The following PER1 variants were observed in gnomAD, a reference collection of about 807,000 sequenced individuals.
The protein encoded by PER1 is period circadian regulator 1, also known as period circadian protein homolog 1.
In PER1, 87 loss-of-function variants were observed where a neutral mutation model predicts 125.9. That is an observed-to-expected ratio of 0.69 (90% confidence interval 0.58 to 0.83). The LOEUF is 0.83. Ranked by LOEUF, PER1 falls within the 40% of genes least tolerant of loss-of-function variation. PER1 has a pLI of 0.00. For synonymous variants in PER1, 801 were observed against 714.7 expected (o/e 1.12, Z -1.93); for missense variants, 1,775 against 1,722.8 (o/e 1.03, Z -0.54).
intron 21 of PER1, 144 bp downstream of exon 21, chr17:8,142,125 G>A: frequency 1.8e-6 from 2 of 1,116,646 alleles, no homozygotes; most frequent in Non-Finnish European, 2.6e-6. Context: ...CTCCTCCTGG[G>A]AGGAACTAGT....
At chr17:8,141,362 G>A (rs764998457) in intron 22 of PER1, 22 bp from the exon 23 acceptor site, 1 of 1,579,284 alleles carries the variant, frequency 6.3e-7, no homozygotes, top group Non-Finnish European at 8.6e-7. Flanking sequence ...AAATGGACAT[G>A]AGAGAGTCAG....
At position 8,143,435 on chromosome 17, in the gene PER1, C is replaced by T. The variant is rs3027193; in HGVS notation, c.2903G>A (p.Arg968His). 34 of 1,610,006 alleles carry T rather than the reference C, an allele frequency of 2.1e-5. No homozygotes were observed. The African/African-American group carries it at 2.7e-4, about 13-fold the overall frequency. ...LPALAPSPPH[R>H]PDSPLFNSRC... Reference sequence around the variant, plus strand: ...CGAGTTGAACAGTGGAGAGTCCGGGCGGTGAGGAGGACTCGGGGCGAGGGC... The same window carrying T: ...CGAGTTGAACAGTGGAGAGTCCGGGTGGTGAGGAGGACTCGGGGCGAGGGC... The change falls in exon 19 of 23, where the codon CGC (arginine) becomes CAC (histidine). Residue 968 changes from arginine (R) to histidine (H), a missense_variant. Coordinates refer to ENST00000317276, the MANE Select transcript of PER1 (RefSeq NM_002616.3).
chr17:8,146,131 G>A lies in PER1; in HGVS notation c.2045C>T (p.Pro682Leu), dbSNP rs1982419714. Residue 682 changes from proline (P) to leucine (L), a missense_variant, in exon 17 of 23, where the codon CCG becomes CTG. Transcript: ENST00000317276. ...CCCCTCCCCAGACAGCGCTGCTGAC[G>A]GCGGATCTGTGCAGAGAGATGGTGC... The part of the protein sequence containing the change: ...PVSVGTKKDP[P>L]SAALSGEGAT... 3 of 1,601,406 alleles carry A rather than the reference G, an allele frequency of 1.9e-6. No individual in the cohort carries two copies. The highest frequency in any genetic ancestry group is 1.1e-5 in the South Asian group (1 of 88,768).
intron 19 of PER1, 48 bp from the exon 20 acceptor site, chr17:8,142,883 G>A (rs764547155): frequency 3.0e-5 from 43 of 1,418,300 alleles, no homozygotes; most frequent in Non-Finnish European, 4.1e-5. Context: ...TCAGCACCTA[G>A]GCCTCCCTTC....
intron 7 of PER1, 75 bp from the exon 8 acceptor site, chr17:8,148,861 G>C (rs1253571794): frequency 6.4e-7 from 1 of 1,557,464 alleles, no homozygotes; most frequent in African/African-American, 1.4e-5. Flanking sequence ...GGTCACAGCA[G>C]ACAACAGCAA....
At position 8,140,931 on chromosome 17, in the gene PER1, G is replaced by A; in HGVS notation, c.*137C>T. On this transcript the variant is annotated 3_prime_UTR_variant, in exon 23 of 23. Transcript: ENST00000317276. ...AGCCCCTGGATCCTAGGCTGGTGATGGGGGTCCGGCCCCCTATGGTGGGAG... is the reference window on the plus strand; with the variant it reads ...AGCCCCTGGATCCTAGGCTGGTGATAGGGGTCCGGCCCCCTATGGTGGGAG... 1 of 994,948 alleles carries A rather than the reference G, an allele frequency of 1.0e-6. No homozygotes were observed. The highest frequency in any genetic ancestry group is 1.5e-6 in the Non-Finnish European group (1 of 668,576). The allele number at this position is 994,948 out of a possible 1,614,324, so 61.6% of individuals were successfully genotyped here. A position where few individuals can be genotyped will look rare whatever the true frequency, so the allele number is the denominator to read the frequency against.
Position 8,149,648 on chromosome 17 carries a change from C to T in PER1, c.667G>A (p.Ala223Thr). The T allele has an allele frequency of 6.2e-7, 1 of 1,610,150 alleles. No homozygotes were observed. The highest frequency in any genetic ancestry group is 8.5e-7 in the Non-Finnish European group (1 of 1,176,612). Residue 223 changes from alanine to threonine, a missense_variant, in exon 6 of 23, where the codon GCT (alanine) becomes ACT (threonine). Coordinates refer to ENST00000317276, the MANE Select transcript of PER1 (RefSeq NM_002616.3). ...ATTCGGCCCGTCAGGAAGGAGACAGCCACTGAGAAGGTATCCTGGCAGGAG... is the reference window on the plus strand; with the variant it reads ...ATTCGGCCCGTCAGGAAGGAGACAGTCACTGAGAAGGTATCCTGGCAGGAG... Reference protein sequence around the residue: ...TLQNQDTFSVAVSFLTGRIVY... With the variant: ...TLQNQDTFSVTVSFLTGRIVY...
chr17:8,150,659 A>G lies in PER1; in HGVS notation c.48T>C (p.Pro16=). The G allele has an allele frequency of 1.3e-6, 2 of 1,599,708 alleles. No homozygotes were observed. Among genetic ancestry groups the G allele is most frequent in the Non-Finnish European group, 1.7e-6 (2 of 1,173,916 alleles). Residue 16 remains proline (P), a synonymous_variant, in exon 2 of 23, where the codon CCT becomes CCC. Coordinates refer to ENST00000317276, the MANE Select transcript of PER1 (RefSeq NM_002616.3). The part of the protein sequence containing the change: ...EGADGGGDPR[P]GESFCPGGVP... ...CGCCCCCAGGACAAAATGATTCCCC[A>G]GGCCTGGGGTCCCCTCCCCCATCAG...
rs767061260 is a variant in PER1 at position 8,149,925 on chromosome 17, C to T, written c.529+46G>A. ...ATTCAGTAAGGAGGCTGCCTCAACA[C>T]GGGAGCCCAGGCCCAGGCCATTCCC... On this transcript the variant is annotated intron_variant, in intron 4 of 22. Coordinates refer to ENST00000317276, the MANE Select transcript of PER1 (RefSeq NM_002616.3). 33 of 1,613,848 alleles carry T rather than the reference C, an allele frequency of 2.0e-5. No homozygotes were observed. In the Middle Eastern group the frequency reaches 4.9e-4, roughly 24 times the overall value.
chr17:8,146,671 C>T lies in PER1; in HGVS notation c.1830G>A (p.Leu610=), dbSNP rs141566517. ...CTTTCCTCTCGGCCTCCTCAGGGACCAAGGCTAGTGGGGCCTGGACGGGAG... is the reference window on the plus strand; with the variant it reads ...CTTTCCTCTCGGCCTCCTCAGGGACTAAGGCTAGTGGGGCCTGGACGGGAG... ...GSAPVQAPLA[L]VPEEAERKEA... is the part of the protein sequence containing the mutation. The change falls in exon 15 of 23, where the codon TTG becomes TTA. Residue 610 remains leucine (L), a synonymous_variant. Transcript: ENST00000317276. The T allele has an allele frequency of 2.5e-5, 40 of 1,613,876 alleles. 1 individual carries two copies. The Admixed American group carries it at 4.8e-4, about 19-fold the overall frequency.
rs755063217 is a variant in PER1, at chr17:8,143,482, G to T, written c.2856C>A (p.His952Gln). ...GGGCGGGCAAGGATGGAGAAGGGGA[G>T]TGCGAGGCAGGAGTGGGAGGCCCTT... ...PAEGPPTPAS[H>Q]SPSPSLPALA... is the part of the protein sequence containing the mutation. Residue 952 changes from histidine to glutamine, a missense_variant, in exon 19 of 23, where the codon CAC becomes CAA. His to Gln is a conservative substitution (Grantham distance 24). Coordinates refer to ENST00000317276, the MANE Select transcript of PER1 (RefSeq NM_002616.3). The T allele has an allele frequency of 1.9e-6, 3 of 1,593,906 alleles. No homozygotes were observed. Among genetic ancestry groups the T allele is most frequent in the South Asian group, 2.3e-5 (2 of 87,748 alleles).
chr17:8,148,654 C>G lies in PER1; in HGVS notation c.1038G>C (p.Ser346=), dbSNP rs11656974. Reference sequence around the variant, plus strand: ...CCCTGACCTGCCCACCTTCGTAACCCGAATGGATGCGCTCTGCAATCAGCA... The same window carrying G: ...CCCTGACCTGCCCACCTTCGTAACCGGAATGGATGCGCTCTGCAATCAGCA... ...CCLLIAERIH[S]GYEAPRIPPD... is the part of the protein sequence containing the mutation. Residue 346 remains serine, a synonymous_variant, in exon 8 of 23, where the codon TCG becomes TCC. Coordinates refer to ENST00000317276, the MANE Select transcript of PER1 (RefSeq NM_002616.3). 6.2e-7 allele frequency: 1 copy of G among 1,606,780 alleles called. No individual in the cohort carries two copies. Among genetic ancestry groups the G allele is most frequent in the Middle Eastern group, 1.7e-4 (1 of 6,014 alleles).
rs144492329 is a variant in PER1 at position 8,144,983 on chromosome 17, C to G, written c.2229G>C (p.Met743Ile). 1.3e-6 allele frequency: 2 copies of G among 1,496,602 alleles called. No individual in the cohort carries two copies. The highest frequency in any genetic ancestry group is 2.8e-5 in the South Asian group (2 of 72,202). 92.7% of individuals were successfully genotyped at this position (1,496,602 alleles called of 1,614,324 possible). Residue 743 changes from methionine to isoleucine, a missense_variant, in exon 18 of 23, where the codon ATG becomes ATC. Transcript: ENST00000317276. ...DKKPPESDIIMMEDLPGLAPG... is the reference protein window; with the variant it reads ...DKKPPESDIIIMEDLPGLAPG... ...GGGCTAGGCCAGGCAGGTCCTCCAT[C>G]ATGATGATGTCTGAGGAGAGTGAGA... is the stretch of plus-strand genomic sequence containing the variant.
rs114808328 is a variant in PER1, at chr17:8,150,364, A to G, written c.276-47T>C. The G allele has an allele frequency of 1.0e-3, 1,569 of 1,555,824 alleles. 9 individuals carry two copies. The African/African-American group carries it at 0.019, about 19-fold the overall frequency. ...AGTTACAGGTAGGGCCAGCAGTGCG[A>G]GGCCTGTCACCCAGCTCTGCCTGCT... On this transcript the variant is annotated intron_variant, in intron 2 of 22. Coordinates refer to ENST00000317276, the MANE Select transcript of PER1 (RefSeq NM_002616.3).
chr17:8,150,869 G>A (rs1343798408), intron 1 of PER1, 24 bp from the exon 2 acceptor site: 1 of 627,606 alleles, frequency 1.6e-6, no homozygotes, highest in Non-Finnish European at 2.6e-6. Flanking sequence ...CCAGGAAGCA[G>A]GGCTTGCAGA....
At chr17:8,148,370 C>T (rs1344393736) in intron 8 of PER1, 111 bp from the exon 9 acceptor site, 11 of 950,028 alleles carry the variant, frequency 1.2e-5, no homozygotes, top group Middle Eastern at 2.6e-4. Flanking sequence ...AGCTCTGCCC[C>T]GGGCACTATG....
chr17:8,141,829 T>C lies in PER1; in HGVS notation c.3576A>G (p.Gln1192=), dbSNP rs769051947. 2.5e-6 allele frequency: 4 copies of C among 1,613,870 alleles called. No homozygotes were observed. Among genetic ancestry groups the C allele is most frequent in the South Asian group, 2.2e-5 (2 of 91,064 alleles). Residue 1192 remains glutamine (Q), a synonymous_variant, in exon 22 of 23, where the codon CAA becomes CAG. Transcript: ENST00000317276. ...CCATCACATCAAGAGCCCGAGGCAG[T>C]TGGCCCTTCCGGACCCAGGAGTGCA... ...GAVHSWVRKG[Q]LPRALDVMAC... is the part of the protein sequence containing the mutation.
rs374192910 is a variant in PER1, at chr17:8,143,747, G to A, written c.2591C>T (p.Pro864Leu). ...TGGTGGGGTGGGCCAGGGGGTGGAG[G>A]GTGGCACGGGTGAGGGGTGTGAGAC... ...CYVSHPSPVP[P>L]STPWPTPPAT... The change falls in exon 19 of 23, where the codon CCC (proline) becomes CTC (leucine). Residue 864 changes from proline (P) to leucine (L), a missense_variant. Transcript: ENST00000317276. The A allele has an allele frequency of 6.4e-7, 1 of 1,568,000 alleles. No homozygotes were observed. Among genetic ancestry groups the A allele is most frequent in the South Asian group, 1.2e-5 (1 of 85,158 alleles).
In PER1 at chr17:8,146,105, C is replaced by T. The variant is rs778774031; in HGVS notation, c.2071G>A (p.Ala691Thr). Residue 691 changes from alanine to threonine, a missense_variant, in exon 17 of 23, where the codon GCC becomes ACC. Coordinates refer to ENST00000317276, the MANE Select transcript of PER1 (RefSeq NM_002616.3). ...PPSAALSGEG[A>T]TPRKEPVVGG... ...ACCACTGGCTCCTTCCGTGGGGTGG[C>T]CCCCTCCCCAGACAGCGCTGCTGAC... The T allele has an allele frequency of 6.2e-7, 1 of 1,610,700 alleles. No homozygotes were observed. The highest frequency in any genetic ancestry group is 8.5e-7 in the Non-Finnish European group (1 of 1,178,394).
Sources: allele counts gnomAD v4.1 joint callset, GRCh38; gene constraint gnomAD v4.1.1; transcripts MANE v1.5; gene names NCBI Gene and HGNC (gene_info 2026-07-23, HGNC 2026-07-21).